The following CNTNAP5 variants were observed in gnomAD, a reference collection of about 807,000 sequenced individuals.
CNTNAP5 encodes the protein contactin-associated protein-like 5.
A neutral mutation model predicts 150.2 loss-of-function variants in CNTNAP5; 72 were observed. The ratio of observed to expected loss-of-function variants is 0.48; its 90% confidence interval spans 0.40 to 0.58. The LOEUF (loss-of-function observed/expected upper bound fraction) is 0.58, where lower values mean the gene tolerates loss of function less well. CNTNAP5 is among the 20% of genes least tolerant of loss of function. CNTNAP5 has a pLI of 0.00. For synonymous variants in CNTNAP5, 672 were observed against 619.8 expected (o/e 1.08, Z -1.25); for missense variants, 1,636 against 1,626.2 (o/e 1.01, Z -0.10).
At chr2:124,297,347 A>C (rs568168839) in intron 3 of CNTNAP5, among the ~76,000 whole-genome samples, 1 of 152,286 alleles carries the variant, frequency 6.6e-6, no homozygotes, top group Admixed American at 6.5e-5. Flanking sequence ...TGTCTCTCTC[A>C]ATTTGATTTC....
intron 3 of CNTNAP5, among the ~76,000 whole-genome samples, chr2:124,285,824 C>T (rs960642575): frequency 7.9e-5 from 12 of 151,512 alleles, no homozygotes; most frequent in Middle Eastern, 6.8e-3. Context: ...AACAAACAAA[C>T]GAAAAACAAG....
chr2:124,702,347 T>A (rs923512078), intron 13 of CNTNAP5, among the ~76,000 whole-genome samples: 15 of 14,962 alleles, frequency 1.0e-3, no homozygotes, highest in Non-Finnish European at 2.5e-3. Context: ...CTATGAACAC[T>A]TTTTTTTTTT....
intron 5 of CNTNAP5, among the ~76,000 whole-genome samples, chr2:124,445,340 C>T (rs901033211): frequency 3.3e-5 from 5 of 152,128 alleles, no homozygotes; most frequent in East Asian, 3.9e-4. Context: ...TCAGGTGATC[C>T]GCCTGCCTCG....
At chr2:124,322,556 T>C (rs138498267) in intron 3 of CNTNAP5, among the ~76,000 whole-genome samples, 1 of 152,350 alleles carries the variant, frequency 6.6e-6, no homozygotes, top group Non-Finnish European at 1.5e-5. Context: ...AGAATCTATA[T>C]TGCAGCAAAA....
chr2:124,349,987 C>T (rs893217227), intron 3 of CNTNAP5, among the ~76,000 whole-genome samples: 9 of 143,006 alleles, frequency 6.3e-5, no homozygotes, highest in African/African-American at 1.8e-4. Context: ...TGGGTTCAAG[C>T]GATTCTCCTG....
intron 1 of CNTNAP5, among the ~76,000 whole-genome samples, chr2:124,054,031 G>A (rs1354038653): frequency 1.3e-5 from 2 of 152,190 alleles, no homozygotes; most frequent in East Asian, 1.9e-4. Context: ...CTGGAACAAA[G>A]TGGCATCGTA....
At chr2:124,080,656 T>C (rs1458250477) in intron 1 of CNTNAP5, among the ~76,000 whole-genome samples, 2 of 152,204 alleles carry the variant, frequency 1.3e-5, no homozygotes, top group Admixed American at 6.5e-5. Context: ...CTATAAAAAA[T>C]GCTCCTAGAA....
At chr2:124,661,862 T>C (rs201474684) in intron 13 of CNTNAP5, among the ~76,000 whole-genome samples, 20,490 of 152,008 alleles carry the variant, frequency 0.13, 1,544 homozygotes, top group Non-Finnish European at 0.17. Flanking sequence ...CATTATAATC[T>C]TTTTTTAATA....
intron 1 of CNTNAP5, 25 bp downstream of exon 1, chr2:124,025,757 G>A (rs779902178): frequency 6.4e-7 from 1 of 1,571,512 alleles, no homozygotes; most frequent in East Asian, 2.2e-5. Context: ...CTGGGGGCGG[G>A]AAGGTGAGGT....
intron 11 of CNTNAP5, among the ~76,000 whole-genome samples, chr2:124,605,600 C>T (rs768797042): frequency 2.8e-4 from 42 of 151,818 alleles, no homozygotes; most frequent in East Asian, 3.9e-4. Flanking sequence ...GTGGATCACA[C>T]GGTCAGGAAT....
intron 1 of CNTNAP5, among the ~76,000 whole-genome samples, chr2:124,044,678 T>C (rs1681477183): frequency 6.6e-6 from 1 of 152,122 alleles, no homozygotes; most frequent in African/African-American, 2.4e-5. Flanking sequence ...TTCTGATAGT[T>C]CCCCAGTGTG....
chr2:124,479,014 T>C (rs1298325779), intron 7 of CNTNAP5, among the ~76,000 whole-genome samples: 2 of 152,190 alleles, frequency 1.3e-5, no homozygotes, highest in East Asian at 3.9e-4. Context: ...AGCTGTTCCA[T>C]AGGGATAATT....
At chr2:124,797,342 A>T (rs554491487) in intron 18 of CNTNAP5, among the ~76,000 whole-genome samples, 1 of 152,202 alleles carries the variant, frequency 6.6e-6, no homozygotes, top group African/African-American at 2.4e-5. Context: ...AATGAATTTT[A>T]TCAGTTTTTA....
chr2:124,171,428 T>C (rs1004029148), intron 1 of CNTNAP5, among the ~76,000 whole-genome samples: 3 of 152,114 alleles, frequency 2.0e-5, no homozygotes, highest in Non-Finnish European at 1.5e-5. Context: ...ATTTGAGCTG[T>C]TCTCTTGATA....
chr2:124,294,550 A>G (rs1224324472), intron 3 of CNTNAP5, among the ~76,000 whole-genome samples: 1 of 152,228 alleles, frequency 6.6e-6, no homozygotes, highest in Admixed American at 6.5e-5. Context: ...CAAGCTTGGC[A>G]GTTTGAAGAA....
chr2:124,053,228 C>A (rs971377302), intron 1 of CNTNAP5, among the ~76,000 whole-genome samples: 1 of 152,164 alleles, frequency 6.6e-6, no homozygotes, highest in Non-Finnish European at 1.5e-5. Flanking sequence ...ATTTATTGTG[C>A]AAATTTGGCT....
At chr2:124,352,992 G>T (rs1689911183) in intron 3 of CNTNAP5, among the ~76,000 whole-genome samples, 1 of 152,144 alleles carries the variant, frequency 6.6e-6, no homozygotes, top group African/African-American at 2.4e-5. Flanking sequence ...AGATGCACAG[G>T]CTCAGATCTC....
chr2:124,142,929 A>G (rs1684157808), intron 1 of CNTNAP5, among the ~76,000 whole-genome samples: 1 of 143,046 alleles, frequency 7.0e-6, no homozygotes, highest in African/African-American at 2.7e-5. Flanking sequence ...GAAGAATCAA[A>G]TAGACACAAT....
intron 3 of CNTNAP5, among the ~76,000 whole-genome samples, chr2:124,371,033 A>G (rs892973587): frequency 2.6e-5 from 4 of 152,094 alleles, no homozygotes; most frequent in Non-Finnish European, 4.4e-5. Flanking sequence ...GTTTGTGCAG[A>G]ATTTTCCCTG....
Sources: gnomAD v4.1 joint callset for allele counts (sites outside exome capture counted in the v4.1 genomes callset) on GRCh38, gnomAD v4.1.1 for gene constraint, MANE v1.5 for transcripts, NCBI Gene and HGNC (gene_info 2026-07-23, HGNC 2026-07-21) for gene names.